Variants in R3HDM1 observed in about 807,000 individuals in gnomAD.
R3HDM1 encodes R3H domain containing 1, also known as R3H domain-containing protein 1.
In R3HDM1, 46 loss-of-function variants were observed where a neutral mutation model predicts 141.1. The ratio of observed to expected loss-of-function variants is 0.33; its 90% CI spans 0.26 to 0.42. R3HDM1 has a LOEUF of 0.42. Ranked by LOEUF, R3HDM1 falls within the 10% of genes least tolerant of loss-of-function variation. The pLI is 1.00. For synonymous variants in R3HDM1, 435 were observed against 472.9 expected (o/e 0.92, Z 1.04); for missense variants, 1,184 against 1,368.3 (o/e 0.87, Z 2.12).
At chr2:135,552,664 T>G (rs1215928218) in intron 1 of R3HDM1, among the ~76,000 whole-genome samples, 2 of 152,140 alleles carry the variant, frequency 1.3e-5, no homozygotes, top group East Asian at 3.8e-4. Flanking sequence ...TAAGGGAGGC[T>G]TTAGAGGAAG....
At chr2:135,713,988 G>A (rs2075920335) in intron 23 of R3HDM1, among the ~76,000 whole-genome samples, 4 of 152,154 alleles carry the variant, frequency 2.6e-5, no homozygotes, top group African/African-American at 7.2e-5. Flanking sequence ...AGTGATAAAT[G>A]TAGAATCGTG....
At chr2:135,602,469 G>T (rs1185871643) in intron 1 of R3HDM1, 31 bp from the exon 2 acceptor site, 1 of 1,226,960 alleles carries the variant, frequency 8.2e-7, no homozygotes, top group Non-Finnish European at 1.0e-6. Context: ...TGGCCATTTT[G>T]TTAAAATGGT....
chr2:135,617,062 G>A (rs918004256), intron 5 of R3HDM1, among the ~76,000 whole-genome samples: 5 of 152,046 alleles, frequency 3.3e-5, no homozygotes, highest in South Asian at 2.1e-4. Context: ...AGTGGCTCAC[G>A]CCTGTAATCC....
At chr2:135,708,753 A>T (rs910152104) in intron 21 of R3HDM1, among the ~76,000 whole-genome samples, 3 of 152,132 alleles carry the variant, frequency 2.0e-5, no homozygotes, top group African/African-American at 7.2e-5. Context: ...TGAGGTCACG[A>T]GTTCAAGACC....
intron 21 of R3HDM1, among the ~76,000 whole-genome samples, chr2:135,691,665 C>T (rs1228760809): frequency 6.6e-6 from 1 of 151,604 alleles, no homozygotes; most frequent in African/African-American, 2.4e-5. Flanking sequence ...TGGTGGTGGG[C>T]CCCTGTAATT....
chr2:135,593,313 A>G (rs966920646), intron 1 of R3HDM1, among the ~76,000 whole-genome samples: 2 of 152,170 alleles, frequency 1.3e-5, no homozygotes, highest in Non-Finnish European at 2.9e-5. Flanking sequence ...TAGCACATAC[A>G]TGGGGAGCTC....
chr2:135,695,891 AG>A (rs2073164748), intron 21 of R3HDM1, among the ~76,000 whole-genome samples: 1 of 152,254 alleles, frequency 6.6e-6, no homozygotes, highest in Non-Finnish European at 1.5e-5. Flanking sequence ...GGTACACAAA[AG>A]AATACAAATA....
intron 17 of R3HDM1, chr2:135,650,541 T>C: frequency 6.1e-6 from 6 of 983,346 alleles, no homozygotes; most frequent in Non-Finnish European, 7.2e-6. Flanking sequence ...AATAAGAAAA[T>C]GACTTTTTTC....
Position 135,709,398 on chromosome 2 carries a change from C to CAGAG in R3HDM1, c.2460-35_2460-34insAGAG, listed in dbSNP as rs769448940. ...ATTCAAGAATGTTTATAGTCATCCT[C>CAGAG]CTCTCATTATGCTGTTTTTTTGTTT... On this transcript the variant is annotated intron_variant, in intron 21 of 26. Transcript: ENST00000683871. 4 of 1,612,124 alleles carry CAGAG rather than the reference C, an allele frequency of 2.5e-6. No individual in the cohort carries two copies. In the African/African-American group the frequency reaches 5.3e-5, roughly 22 times the overall value.
intron 1 of R3HDM1, among the ~76,000 whole-genome samples, chr2:135,593,675 A>C (rs763182693): frequency 1.3e-4 from 19 of 151,922 alleles, no homozygotes; most frequent in Non-Finnish European, 2.4e-4. Context: ...CAACATGTTT[A>C]GTCTTCAGGG....
At chr2:135,577,781 C>A (rs553190407) in intron 1 of R3HDM1, among the ~76,000 whole-genome samples, 1 of 144,750 alleles carries the variant, frequency 6.9e-6, no homozygotes. Context: ...GAGGTTACGA[C>A]GAGCCAAGAT....
At chr2:135,608,278 T>C (rs538161286) in intron 3 of R3HDM1, among the ~76,000 whole-genome samples, 3 of 152,142 alleles carry the variant, frequency 2.0e-5, no homozygotes, top group African/African-American at 7.2e-5. Flanking sequence ...ATCACGCCAC[T>C]GCACCCCAGC....
intron 1 of R3HDM1, among the ~76,000 whole-genome samples, chr2:135,600,783 T>C (rs1339494621): frequency 2.6e-5 from 4 of 152,216 alleles, no homozygotes; most frequent in African/African-American, 9.7e-5. Flanking sequence ...ATACTGGTTG[T>C]GTGACTTTGA....
intron 16 of R3HDM1, chr2:135,649,089 G>T (rs1484641814): frequency 6.8e-6 from 1 of 147,884 alleles, no homozygotes; most frequent in African/African-American, 2.5e-5. Flanking sequence ...TTTTTTAGAC[G>T]GAGTCTCCCT....
At chr2:135,620,633 C>A in intron 5 of R3HDM1, 1 of 978,760 alleles carries the variant, frequency 1.0e-6, no homozygotes, top group Non-Finnish European at 1.2e-6. Context: ...TATAGAACAA[C>A]AGTATAATTT....
At chr2:135,663,843 A>G (rs2067091130) in intron 19 of R3HDM1, among the ~76,000 whole-genome samples, 2 of 152,076 alleles carry the variant, frequency 1.3e-5, no homozygotes, top group African/African-American at 4.8e-5. Flanking sequence ...CCTGGCCAAC[A>G]TTGTGAAACC....
chr2:135,614,041 T>C (rs564075802), intron 3 of R3HDM1, among the ~76,000 whole-genome samples: 1 of 152,364 alleles, frequency 6.6e-6, no homozygotes, highest in African/African-American at 2.4e-5. Flanking sequence ...GTGAGGTCTT[T>C]AAGACCAGGA....
chr2:135,623,122 CT>C, intron 7 of R3HDM1: 1 of 844,156 alleles, frequency 1.2e-6, no homozygotes, highest in Non-Finnish European at 1.4e-6. Flanking sequence ...GTTTTTGTTC[CT>C]TCTTGCTGAG....
intron 9 of R3HDM1, 44 bp from the exon 10 acceptor site, chr2:135,635,846 C>T: frequency 6.5e-7 from 1 of 1,535,474 alleles, no homozygotes; most frequent in Non-Finnish European, 8.7e-7. Flanking sequence ...TAATATTGTT[C>T]ATTATCTTTT....
Sources: allele counts gnomAD v4.1 joint callset (sites outside exome capture counted in the v4.1 genomes callset), GRCh38; gene constraint gnomAD v4.1.1; transcripts MANE v1.5; gene names NCBI Gene and HGNC (gene_info 2026-07-23, HGNC 2026-07-21).